Variants in PDZRN4 observed in about 807,000 individuals in gnomAD.
PDZRN4 encodes the protein PDZ domain containing ring finger 4, also known as PDZ domain-containing RING finger protein 4.
Under a neutral mutation model 99.0 loss-of-function variants are expected in PDZRN4, and 70 were observed. That is an observed-to-expected ratio of 0.71 (90% CI 0.58 to 0.86). The LOEUF (loss-of-function observed/expected upper bound fraction) is 0.86. PDZRN4 is among the 40% of genes least tolerant of loss of function. The probability of loss-of-function intolerance (pLI) is 0.00; values close to 1 mark genes in which losing one functional copy is unlikely to be tolerated. For missense variants in PDZRN4, 1,474 were observed against 1,331.2 expected (o/e 1.11, Z -1.67); for synonymous variants, 551 against 501.6 (o/e 1.10, Z -1.32).
intron 3 of PDZRN4, among the ~76,000 whole-genome samples, chr12:41,281,532 T>A (rs558623999): frequency 6.6e-6 from 1 of 152,180 alleles, no homozygotes; most frequent in Non-Finnish European, 1.5e-5. Flanking sequence ...AATGACCCGA[T>A]GGAGCTGAAA....
At chr12:41,331,655 A>C (rs961583754) in intron 3 of PDZRN4, among the ~76,000 whole-genome samples, 1 of 152,184 alleles carries the variant, frequency 6.6e-6, no homozygotes, top group Admixed American at 6.6e-5. Flanking sequence ...CTGTGATGAA[A>C]TATCTGAGAC....
intron 3 of PDZRN4, among the ~76,000 whole-genome samples, chr12:41,303,443 C>A (rs1195752286): frequency 6.6e-6 from 1 of 152,084 alleles, no homozygotes; most frequent in Non-Finnish European, 1.5e-5. Flanking sequence ...ACTTTTGCAT[C>A]TCTGCATAGG....
At chr12:41,318,084 A>G (rs1951651264) in intron 3 of PDZRN4, among the ~76,000 whole-genome samples, 1 of 152,132 alleles carries the variant, frequency 6.6e-6, no homozygotes, top group Non-Finnish European at 1.5e-5. Flanking sequence ...GCTTATTTAT[A>G]TTTATTGAAT....
At chr12:41,538,368 A>T (rs1260736292) in intron 5 of PDZRN4, among the ~76,000 whole-genome samples, 1 of 152,156 alleles carries the variant, frequency 6.6e-6, no homozygotes, top group African/African-American at 2.4e-5. Context: ...TTCATTGTTT[A>T]GATATTTCCT....
intron 3 of PDZRN4, among the ~76,000 whole-genome samples, chr12:41,432,036 G>C (rs552295313): frequency 1.3e-5 from 2 of 152,174 alleles, no homozygotes; most frequent in African/African-American, 2.4e-5. Flanking sequence ...CTCAGAGATA[G>C]AGTGAAAATT....
intron 3 of PDZRN4, among the ~76,000 whole-genome samples, chr12:41,206,868 T>A (rs1314049920): frequency 3.9e-5 from 6 of 151,974 alleles, no homozygotes; most frequent in Non-Finnish European, 1.5e-5. Context: ...TTTGACATTA[T>A]CATGTTTGAT....
chr12:41,297,911 A>T (rs1399633188), intron 3 of PDZRN4, among the ~76,000 whole-genome samples: 1 of 152,212 alleles, frequency 6.6e-6, no homozygotes, highest in Non-Finnish European at 1.5e-5. Flanking sequence ...GGAGAGGAAG[A>T]TCGATTAAAA....
intron 1 of PDZRN4, among the ~76,000 whole-genome samples, chr12:41,190,255 T>C (rs1462569792): frequency 6.6e-6 from 1 of 152,208 alleles, no homozygotes; most frequent in Non-Finnish European, 1.5e-5. Context: ...GGGACTAAAA[T>C]GTTTCTACCT....
intron 3 of PDZRN4, among the ~76,000 whole-genome samples, chr12:41,299,860 A>G (rs1182142114): frequency 6.6e-6 from 1 of 152,008 alleles, no homozygotes; most frequent in Non-Finnish European, 1.5e-5. Context: ...TACTGCAATA[A>G]CAGTTGATAG....
rs116769116 is a variant in PDZRN4, at chr12:41,395,682, A to G, written c.844-110774A>G. ...CCATTTTACAAAAGTCACACTCAAA[A>G]CTATCTTCAAAGTATACCTATCTTT... On this transcript the variant is annotated intron_variant, in intron 3 of 9. Transcript: ENST00000402685. Among the ~76,000 whole-genome samples the G allele has an allele frequency of 3.2e-3, 494 of 152,298 alleles. 1 individual carries two copies. Among genetic ancestry groups the G allele is most frequent in the African/African-American group, 0.011 (460 of 41,564 alleles).
chr12:41,474,629 G>T (rs1565592562), intron 3 of PDZRN4, among the ~76,000 whole-genome samples: 1 of 152,156 alleles, frequency 6.6e-6, no homozygotes, highest in Non-Finnish European at 1.5e-5. Flanking sequence ...TAAAGGTTTT[G>T]AGCAGGATAA....
rs996926951 is a variant in PDZRN4 at position 41,421,044 on chromosome 12, A to T, written c.844-85412A>T. ...CACTCACCATTGATTTCCTCCTATC[A>T]CTTGCCAATCATTTGGCAAAACCTC... On this transcript the variant is annotated intron_variant, in intron 3 of 9. Coordinates refer to ENST00000402685, the MANE Select transcript of PDZRN4 (RefSeq NM_001164595.2). Among the ~76,000 whole-genome samples, 3 of 152,090 alleles carry T rather than the reference A, an allele frequency of 2.0e-5. No homozygotes were observed. In the East Asian group the frequency reaches 5.8e-4, roughly 29 times the overall value.
intron 3 of PDZRN4, chr12:41,437,802 C>T: frequency 1.3e-6 from 2 of 1,559,566 alleles, no homozygotes; most frequent in Non-Finnish European, 1.7e-6. Context: ...ACGCTTCCAG[C>T]TAACAGCGGT....
At chr12:41,443,132 A>G (rs1352627839) in intron 3 of PDZRN4, among the ~76,000 whole-genome samples, 1 of 152,120 alleles carries the variant, frequency 6.6e-6, no homozygotes, top group African/African-American at 2.4e-5. Flanking sequence ...GCCATGTGAT[A>G]GTCCTTGCTT....
At chr12:41,239,220 A>G (rs1381075249) in intron 3 of PDZRN4, among the ~76,000 whole-genome samples, 1 of 152,152 alleles carries the variant, frequency 6.6e-6, no homozygotes, top group African/African-American at 2.4e-5. Context: ...GGGACAGAAA[A>G]CCAAACACCA....
At chr12:41,320,579 C>G (rs1951670171) in intron 3 of PDZRN4, among the ~76,000 whole-genome samples, 1 of 152,168 alleles carries the variant, frequency 6.6e-6, no homozygotes, top group South Asian at 2.1e-4. Flanking sequence ...TGGGGAGACC[C>G]TGGGCACCTG....
chr12:41,306,203 G>A (rs1224702971), intron 3 of PDZRN4, among the ~76,000 whole-genome samples: 1 of 152,142 alleles, frequency 6.6e-6, no homozygotes, highest in Non-Finnish European at 1.5e-5. Context: ...CACCCCTCAA[G>A]CGGTGGCTCT....
chr12:41,542,371 G>C (rs777578598), intron 5 of PDZRN4, among the ~76,000 whole-genome samples: 1 of 152,190 alleles, frequency 6.6e-6, no homozygotes, highest in South Asian at 2.1e-4. Flanking sequence ...TAGACACTAA[G>C]GGTTGAAAGA....
chr12:41,302,421 G>C (rs116441400), intron 3 of PDZRN4, among the ~76,000 whole-genome samples: 3,080 of 152,208 alleles, frequency 0.02, 87 homozygotes, highest in African/African-American at 0.069. Context: ...GTACACCCCA[G>C]TTTTTAAAAT....
Sources: gnomAD v4.1 joint callset for allele counts (sites outside exome capture counted in the v4.1 genomes callset) on GRCh38, gnomAD v4.1.1 for gene constraint, MANE v1.5 for transcripts, NCBI Gene and HGNC (gene_info 2026-07-23, HGNC 2026-07-21) for gene names.